The following EPM2A variants were observed in gnomAD, a reference collection of about 807,000 sequenced individuals.
EPM2A encodes EPM2A glucan phosphatase, laforin, also known as laforin.
In EPM2A, 21 loss-of-function variants were observed where a neutral mutation model predicts 26.5. The ratio of observed to expected loss-of-function variants is 0.79; its 90% CI spans 0.56 to 1.14. The LOEUF is 1.14. Ranked by LOEUF, EPM2A falls within the 50% of genes most tolerant of loss-of-function variation. The pLI is 0.00. For synonymous variants in EPM2A, 217 were observed against 177.6 expected (o/e 1.22, Z -1.76); for missense variants, 458 against 440.8 (o/e 1.04, Z -0.35).
At chr6:145,734,546 G>C (rs542626230) in intron 1 of EPM2A, 1 of 149,798 alleles carries the variant, frequency 6.7e-6, no homozygotes, top group East Asian at 1.9e-4. Context: ...GATTAAAAAA[G>C]AAAAAAAAAT....
At chr6:145,392,789 G>A (rs1282033350) in intron 4 of EPM2A, among the ~76,000 whole-genome samples, 1 of 152,058 alleles carries the variant, frequency 6.6e-6, no homozygotes, top group Non-Finnish European at 1.5e-5. Context: ...ATTTTAGCCA[G>A]GGAATAGATC....
chr6:145,686,049 A>G, intron 2 of EPM2A, 73 bp downstream of exon 2: 2 of 1,401,124 alleles, frequency 1.4e-6, no homozygotes, highest in Non-Finnish European at 2.0e-6. Flanking sequence ...TTTCGAACAC[A>G]GTAAATATTT....
At position 145,697,107 on chromosome 6, in the gene EPM2A, C is replaced by G. The variant is rs184353653; in HGVS notation, c.302-10811G>C. Among the ~76,000 whole-genome samples the G allele has an allele frequency of 4.3e-3, 650 of 152,086 alleles. 5 individuals carry two copies. The highest frequency in any genetic ancestry group is 0.014 in the African/African-American group (563 of 41,482). ...AGCCAGATATTGGGCAAAATTCACC[C>G]CCGATATTTCACGTAGGTTCTTTTC... On this transcript the variant is annotated intron_variant, in intron 1 of 3. Transcript: ENST00000367519.
intron 2 of EPM2A, among the ~76,000 whole-genome samples, chr6:145,673,254 C>G (rs73579457): frequency 0.014 from 2,106 of 151,882 alleles, 42 homozygotes; most frequent in African/African-American, 0.048. Context: ...AAATACAAAA[C>G]TAAATAGGAG....
intron 3 of EPM2A, chr6:145,632,267 T>G (rs1055122214): frequency 6.6e-6 from 1 of 152,180 alleles, no homozygotes. Context: ...ATCAGTGTGT[T>G]GAGCAAGGGA....
chr6:145,636,588 A>G (rs1776700108), intron 2 of EPM2A: 1 of 152,220 alleles, frequency 6.6e-6, no homozygotes, highest in Non-Finnish European at 1.5e-5. Context: ...TTGGCTTCTC[A>G]TGTTAACAAT....
chr6:145,725,061 T>C (rs1000758783), intron 1 of EPM2A, among the ~76,000 whole-genome samples: 1 of 152,140 alleles, frequency 6.6e-6, no homozygotes, highest in Admixed American at 6.5e-5. Context: ...AGAGAAAATA[T>C]TCGCAAATCA....
intron 1 of EPM2A, among the ~76,000 whole-genome samples, chr6:145,696,336 TA>T (rs1259990337): frequency 6.6e-6 from 1 of 152,110 alleles, no homozygotes; most frequent in Non-Finnish European, 1.5e-5. Context: ...AAATTTCAAT[TA>T]GACAGAAGGA....
At chr6:145,594,151 T>A (rs765220965) in intron 2 of EPM2A, among the ~76,000 whole-genome samples, 2 of 151,816 alleles carry the variant, frequency 1.3e-5, no homozygotes, top group African/African-American at 4.8e-5. Flanking sequence ...GCCCACAGAT[T>A]TGATAACTTA....
intron 4 of EPM2A, among the ~76,000 whole-genome samples, chr6:145,443,243 A>T (rs1285589828): frequency 1.3e-5 from 2 of 152,242 alleles, no homozygotes; most frequent in Non-Finnish European, 1.5e-5. Flanking sequence ...GAACCTTAGA[A>T]TACATTTTTC....
chr6:145,509,471 T>G (rs925136486), intron 2 of EPM2A, among the ~76,000 whole-genome samples: 4 of 152,160 alleles, frequency 2.6e-5, no homozygotes, highest in African/African-American at 9.7e-5. Flanking sequence ...AGTCAAGAAT[T>G]TCATATTCCA....
intron 4 of EPM2A, among the ~76,000 whole-genome samples, chr6:145,391,484 T>A (rs534764044): frequency 6.6e-6 from 1 of 152,292 alleles, no homozygotes; most frequent in East Asian, 1.9e-4. Context: ...ACATGAGACA[T>A]GTAATGTACA....
At position 145,735,333 on chromosome 6, in the gene EPM2A, C is replaced by G. The variant is rs796052424; in HGVS notation, c.166G>C (p.Glu56Gln). ...ACCTCCCCGAGCCACAGGCCCGGCT[C>G]CTGCAGGGCCAGGGCCCCGTCGCCC... Reference protein sequence around the residue: ...AAGDGALALQEPGLWLGEVEL... With the variant: ...AAGDGALALQQPGLWLGEVEL... Residue 56 changes from glutamate to glutamine, a missense_variant, in exon 1 of 4, where the codon GAG becomes CAG. Physicochemically the swap from Glu to Gln is conservative, Grantham distance 29. Coordinates refer to ENST00000367519, the MANE Select transcript of EPM2A (RefSeq NM_005670.4). 1.4e-6 allele frequency: 2 copies of G among 1,412,508 alleles called. No individual in the cohort carries two copies. Among genetic ancestry groups the G allele is most frequent in the Non-Finnish European group, 1.9e-6 (2 of 1,077,208 alleles). The allele number at this position is 1,412,508 out of a possible 1,614,324, so 87.5% of individuals were successfully genotyped here.
intron 2 of EPM2A, among the ~76,000 whole-genome samples, chr6:145,680,986 G>A (rs1395710671): frequency 6.6e-6 from 1 of 151,590 alleles, no homozygotes; most frequent in African/African-American, 2.4e-5. Flanking sequence ...CACAAGGGTT[G>A]AACTAGTTTA....
intron 2 of EPM2A, among the ~76,000 whole-genome samples, chr6:145,547,005 G>A (rs891098155): frequency 6.6e-6 from 1 of 152,026 alleles, no homozygotes; most frequent in Non-Finnish European, 1.5e-5. Flanking sequence ...GGCTAAATCA[G>A]GTATGCATAA....
intron 4 of EPM2A, among the ~76,000 whole-genome samples, chr6:145,405,346 G>A (rs1319277458): frequency 6.6e-6 from 1 of 152,060 alleles, no homozygotes; most frequent in African/African-American, 2.4e-5. Flanking sequence ...CTGAATGTCT[G>A]CGTGTCTGCT....
At chr6:145,464,676 G>A (rs555030121) in intron 4 of EPM2A, among the ~76,000 whole-genome samples, 1 of 152,104 alleles carries the variant, frequency 6.6e-6, no homozygotes, top group African/African-American at 2.4e-5. Context: ...AGTTACATGT[G>A]TAACATATTT....
At chr6:145,424,227 T>C (rs904775383) in intron 4 of EPM2A, among the ~76,000 whole-genome samples, 2 of 152,098 alleles carry the variant, frequency 1.3e-5, no homozygotes, top group African/African-American at 4.8e-5. Flanking sequence ...TTTCTCTTCA[T>C]TGGAAATACT....
chr6:145,483,242 G>A (rs1454365105), intron 4 of EPM2A, among the ~76,000 whole-genome samples: 1 of 151,988 alleles, frequency 6.6e-6, no homozygotes, highest in Non-Finnish European at 1.5e-5. Context: ...TAAATCTTCT[G>A]TAGCACATAA....
Sources: gnomAD v4.1 joint callset for allele counts (sites outside exome capture counted in the v4.1 genomes callset) on GRCh38, gnomAD v4.1.1 for gene constraint, MANE v1.5 for transcripts, NCBI Gene and HGNC (gene_info 2026-07-23, HGNC 2026-07-21) for gene names.